The following GNAI3 variants were observed in gnomAD, a reference collection of about 807,000 sequenced individuals.
GNAI3 encodes guanine nucleotide-binding protein G(i) subunit alpha-3.
Under a neutral mutation model 41.8 loss-of-function variants are expected in GNAI3, and 12 were observed. The ratio of observed to expected loss-of-function variants is 0.29; its 90% CI spans 0.18 to 0.47. The LOEUF is 0.47. Among genes scored for constraint, GNAI3 ranks in the 20% least tolerant of loss-of-function variants. The probability of loss-of-function intolerance (pLI) is 1.00; values close to 1 mark genes in which losing one functional copy is unlikely to be tolerated. For synonymous variants in GNAI3, 132 were observed against 146.5 expected (o/e 0.90, Z 0.71); for missense variants, 360 against 429.6 (o/e 0.84, Z 1.43).
rs1253594639 is a variant in GNAI3, at chr1:109,595,186, G to C, written c.*2864G>C. The stretch of plus-strand genomic sequence containing the variant: ...TTCAGAATTCAGGTGCCTATGCTTT[G>C]GACCATCAAAGAAGCCATTAGTCTC... On this transcript the variant is annotated 3_prime_UTR_variant, in exon 9 of 9. Transcript: ENST00000369851. 1 of 152,044 alleles carries C rather than the reference G, an allele frequency of 6.6e-6. No homozygotes were observed. Among genetic ancestry groups the C allele is most frequent in the African/African-American group, 2.4e-5 (1 of 41,398 alleles). The allele number at this position is 152,044 out of a possible 1,614,324, so 9.4% of individuals were successfully genotyped here.
At chr1:109,581,616 G>A (rs181795944) in intron 4 of GNAI3, among the ~76,000 whole-genome samples, 249 of 152,154 alleles carry the variant, frequency 1.6e-3, no homozygotes, top group African/African-American at 5.5e-3. Flanking sequence ...GTCCGGGCGC[G>A]GTTGCTCACG....
chr1:109,565,680 C>T (rs943726434), intron 1 of GNAI3, among the ~76,000 whole-genome samples: 2 of 152,072 alleles, frequency 1.3e-5, no homozygotes, highest in East Asian at 1.9e-4. Context: ...TCTAGATTGG[C>T]GGGGGGTGCA....
chr1:109,571,607 T>G (rs6663547), intron 1 of GNAI3, among the ~76,000 whole-genome samples: 29,077 of 152,142 alleles, frequency 0.19, 2,986 homozygotes, highest in East Asian at 0.36. Flanking sequence ...AGGATCAGTT[T>G]TTGAATAGTG....
intron 5 of GNAI3, among the ~76,000 whole-genome samples, chr1:109,584,187 A>T (rs1648978948): frequency 6.6e-6 from 1 of 152,200 alleles, no homozygotes; most frequent in African/African-American, 2.4e-5. Flanking sequence ...TTTACGTATT[A>T]CTAGATACCA....
At chr1:109,569,831 G>T (rs534247550) in intron 1 of GNAI3, among the ~76,000 whole-genome samples, 1 of 151,468 alleles carries the variant, frequency 6.6e-6, no homozygotes, top group African/African-American at 2.4e-5. Flanking sequence ...TTTAATCAGC[G>T]CATCCATAGG....
rs1455697324 is a variant in GNAI3, at chr1:109,593,703, A to C, written c.*1381A>C. On this transcript the variant is annotated 3_prime_UTR_variant, in exon 9 of 9. Transcript: ENST00000369851. Reference sequence around the variant, plus strand: ...TATGTTATATCTGCATATGAGTGATATGTGATCATGATTCATTTTGCAGAT... The same window carrying C: ...TATGTTATATCTGCATATGAGTGATCTGTGATCATGATTCATTTTGCAGAT... 2.9e-5 allele frequency: 3 copies of C among 104,316 alleles called. No individual in the cohort carries two copies. The highest frequency in any genetic ancestry group is 8.5e-4 in the South Asian group (2 of 2,346). The allele number at this position is 104,316 out of a possible 1,614,324, so 6.5% of individuals were successfully genotyped here.
intron 3 of GNAI3, among the ~76,000 whole-genome samples, chr1:109,578,470 C>CAAAAAAAAAAAAA (rs35519193): frequency 6.2e-4 from 52 of 84,218 alleles, no homozygotes; most frequent in Non-Finnish European, 8.4e-4. Context: ...AACTCCGTCT[C>CAAAAAAAAAAAAA]AAAAAAAAAA....
In GNAI3 at chr1:109,598,651, T is replaced by C. The variant is rs1374796393; in HGVS notation, c.*6329T>C. ...AGTTGAACTATAAATTGCTCTAAAA[T>C]TCGTGAAGCAGGGTGAAAAGGTCTT... On this transcript the variant is annotated 3_prime_UTR_variant, in exon 9 of 9. Coordinates refer to ENST00000369851, the MANE Select transcript of GNAI3 (RefSeq NM_006496.4). 4.4e-6 allele frequency: 1 copy of C among 228,054 alleles called. No individual in the cohort carries two copies. 14.1% of individuals were successfully genotyped at this position (228,054 alleles called of 1,614,324 possible).
At chr1:109,576,674 A>G (rs1648754386) in intron 3 of GNAI3, among the ~76,000 whole-genome samples, 1 of 151,922 alleles carries the variant, frequency 6.6e-6, no homozygotes. Flanking sequence ...ATGCACCACC[A>G]TGCCCGCCTA....
chr1:109,586,264 C>T lies in GNAI3; in HGVS notation c.639C>T (p.His213=). Residue 213 remains histidine, a synonymous_variant, in exon 6 of 9, where the codon CAC becomes CAT. Transcript: ENST00000369851. ...GATCAGAACGAAAAAAGTGGATTCACTGTTTTGAGGGAGTGACAGCAATTA... is the reference window on the plus strand; with the variant it reads ...GATCAGAACGAAAAAAGTGGATTCATTGTTTTGAGGGAGTGACAGCAATTA... ...GQRSERKKWI[H]CFEGVTAIIF... 1.2e-6 allele frequency: 2 copies of T among 1,613,314 alleles called. No individual in the cohort carries two copies. Among genetic ancestry groups the T allele is most frequent in the Admixed American group, 1.7e-5 (1 of 59,982 alleles).
intron 1 of GNAI3, among the ~76,000 whole-genome samples, chr1:109,549,942 T>C (rs116462088): frequency 6.6e-6 from 1 of 152,186 alleles, no homozygotes; most frequent in South Asian, 2.1e-4. Context: ...TCAAGCCACA[T>C]TTCTTCATTA....
At chr1:109,554,269 T>C (rs1251768190) in intron 1 of GNAI3, among the ~76,000 whole-genome samples, 1 of 152,212 alleles carries the variant, frequency 6.6e-6, no homozygotes, top group Non-Finnish European at 1.5e-5. Context: ...GTGCATCAAA[T>C]GGTAGATATA....
At chr1:109,569,978 A>C (rs912808668) in intron 1 of GNAI3, among the ~76,000 whole-genome samples, 2 of 152,224 alleles carry the variant, frequency 1.3e-5, no homozygotes, top group Non-Finnish European at 2.9e-5. Flanking sequence ...CATTAATCTC[A>C]ACTTTTCTTA....
At position 109,598,534 on chromosome 1, in the gene GNAI3, A is replaced by T. The variant is rs1479620425; in HGVS notation, c.*6212A>T. The T allele has an allele frequency of 5.7e-6, 1 of 175,644 alleles. No individual in the cohort carries two copies. Among genetic ancestry groups the T allele is most frequent in the African/African-American group, 2.4e-5 (1 of 42,148 alleles). The allele number at this position is 175,644 out of a possible 1,614,324, so 10.9% of individuals were successfully genotyped here. A position where few individuals can be genotyped will look rare whatever the true frequency, so the allele number is the denominator to read the frequency against. ...GATTATACTGCACAGAAAAAAAAAA[A>T]TCCTAAGGCAGCACCAACAAAGGTA... On this transcript the variant is annotated 3_prime_UTR_variant, in exon 9 of 9. Transcript: ENST00000369851.
intron 7 of GNAI3, among the ~76,000 whole-genome samples, chr1:109,588,421 A>G (rs1302873222): frequency 6.6e-6 from 1 of 152,062 alleles, no homozygotes; most frequent in Non-Finnish European, 1.5e-5. Context: ...TTGGTTTCAA[A>G]TTCCAAGGAG....
At chr1:109,590,883 G>T (rs1649156471) in intron 7 of GNAI3, among the ~76,000 whole-genome samples, 1 of 151,880 alleles carries the variant, frequency 6.6e-6, no homozygotes, top group Non-Finnish European at 1.5e-5. Flanking sequence ...CTTAAGCTCC[G>T]TTTTGTTACC....
In GNAI3 at chr1:109,595,473, A is replaced by C. The variant is rs1049761892; in HGVS notation, c.*3151A>C. 3.9e-5 allele frequency: 6 copies of C among 152,196 alleles called. No homozygotes were observed. The highest frequency in any genetic ancestry group is 1.4e-4 in the African/African-American group (6 of 41,440). 9.4% of individuals were successfully genotyped at this position (152,196 alleles called of 1,614,324 possible). On this transcript the variant is annotated 3_prime_UTR_variant, in exon 9 of 9. Coordinates refer to ENST00000369851, the MANE Select transcript of GNAI3 (RefSeq NM_006496.4). ...TACAATGTAAGACTAGATGGACCAA[A>C]ATTTTAAAAAAAACTTCTTGCCTTG...
intron 1 of GNAI3, among the ~76,000 whole-genome samples, chr1:109,559,197 GAAAAGA>G (rs1055688753): frequency 3.3e-5 from 5 of 151,396 alleles, no homozygotes; most frequent in African/African-American, 1.2e-4. Context: ...AAAAAAAAAA[GAAAAGA>G]AAAAGAAAAA....
At chr1:109,564,366 T>G (rs1181954514) in intron 1 of GNAI3, among the ~76,000 whole-genome samples, 1 of 152,106 alleles carries the variant, frequency 6.6e-6, no homozygotes, top group Non-Finnish European at 1.5e-5. Context: ...TTTTTTAAAC[T>G]GGGTCAACAA....
Sources: gnomAD v4.1 joint callset for allele counts (sites outside exome capture counted in the v4.1 genomes callset) on GRCh38, gnomAD v4.1.1 for gene constraint, MANE v1.5 for transcripts, NCBI Gene and HGNC (gene_info 2026-07-23, HGNC 2026-07-21) for gene names.